The following RBFOX1 variants were observed in gnomAD, a reference collection of about 807,000 sequenced individuals.
RBFOX1 encodes RNA binding fox-1 homolog 1.
RBFOX1 carries 8 observed loss-of-function variants against 57.7 expected under a neutral mutation model. The ratio of observed to expected loss-of-function variants is 0.14; its 90% CI spans 0.08 to 0.25. RBFOX1 has a LOEUF of 0.25. Among genes scored for constraint, RBFOX1 ranks in the 10% least tolerant of loss-of-function variants. The probability of loss-of-function intolerance (pLI) is 1.00; values close to 1 mark genes in which losing one functional copy is unlikely to be tolerated. For missense variants in RBFOX1, 611 were observed against 548.5 expected, an observed-to-expected ratio of 1.11 and a Z score of -1.14; for synonymous variants, 326 against 222.4, an observed-to-expected ratio of 1.47 and a Z score of -4.15.
intron 2 of RBFOX1, among the ~76,000 whole-genome samples, chr16:6,520,046 G>A (rs757606324): frequency 5.3e-5 from 8 of 152,114 alleles, no homozygotes; most frequent in Non-Finnish European, 1.2e-4. Context: ...TGTTTCCACC[G>A]TGCAGGTGCT....
At chr16:6,239,690 G>A (rs1052140374) in intron 1 of RBFOX1, among the ~76,000 whole-genome samples, 1 of 151,608 alleles carries the variant, frequency 6.6e-6, no homozygotes, top group Non-Finnish European at 1.5e-5. Context: ...TAGAGACGGG[G>A]GTTTCACCAT....
chr16:5,972,402 C>G (rs1404460654), intron 4 of RBFOX1, among the ~76,000 whole-genome samples: 1 of 152,200 alleles, frequency 6.6e-6, no homozygotes. Flanking sequence ...GATGGCAGGT[C>G]CCTCTGTTTT....
At chr16:7,195,687 G>A (rs1422774999) in intron 4 of RBFOX1, among the ~76,000 whole-genome samples, 3 of 152,108 alleles carry the variant, frequency 2.0e-5, no homozygotes, top group Admixed American at 2.0e-4. Context: ...CGAGTAGCTG[G>A]AACTACAGGC....
intron 3 of RBFOX1, among the ~76,000 whole-genome samples, chr16:6,752,408 C>G (rs1320368480): frequency 6.6e-6 from 1 of 152,044 alleles, no homozygotes; most frequent in Non-Finnish European, 1.5e-5. Context: ...AGAAATTGGC[C>G]ACAAGGAAGT....
At chr16:7,472,739 C>T (rs190509920) in intron 4 of RBFOX1, among the ~76,000 whole-genome samples, 14 of 152,226 alleles carry the variant, frequency 9.2e-5, no homozygotes, top group Admixed American at 7.8e-4. Context: ...ACCAAGTTCC[C>T]AGACTGTGGC....
intron 4 of RBFOX1, among the ~76,000 whole-genome samples, chr16:7,060,748 C>T (rs1260807089): frequency 6.6e-6 from 1 of 152,186 alleles, no homozygotes; most frequent in African/African-American, 2.4e-5. Flanking sequence ...TGGTGCTTGT[C>T]CTATGCAAAT....
At chr16:6,049,119 A>G (rs1390244345) in intron 1 of RBFOX1, among the ~76,000 whole-genome samples, 1 of 146,702 alleles carries the variant, frequency 6.8e-6, no homozygotes, top group Non-Finnish European at 1.5e-5. Context: ...CTGGAGTGCA[A>G]TGGCATGATC....
intron 3 of RBFOX1, among the ~76,000 whole-genome samples, chr16:7,017,158 A>G (rs193046602): frequency 6.6e-6 from 1 of 152,230 alleles, no homozygotes; most frequent in Non-Finnish European, 1.5e-5. Context: ...TAAGGTGCAA[A>G]CAGAGTCGCG....
chr16:7,566,006 G>A (rs1048526214), intron 5 of RBFOX1, among the ~76,000 whole-genome samples: 6 of 152,142 alleles, frequency 3.9e-5, no homozygotes, highest in African/African-American at 9.7e-5. Context: ...AAGACTTGCC[G>A]AGCGCCTACT....
intron 4 of RBFOX1, among the ~76,000 whole-genome samples, chr16:7,476,059 G>A (rs1038015384): frequency 6.6e-6 from 1 of 151,642 alleles, no homozygotes; most frequent in Admixed American, 6.6e-5. Flanking sequence ...TCAGCCTCCT[G>A]AGCCCAAGTG....
chr16:7,702,406 G>C (rs1377400555), intron 14 of RBFOX1, among the ~76,000 whole-genome samples: 4 of 152,226 alleles, frequency 2.6e-5, no homozygotes, highest in Non-Finnish European at 2.9e-5. Flanking sequence ...ATTGCCAAGA[G>C]ATTTGTCAGA....
intron 1 of RBFOX1, among the ~76,000 whole-genome samples, chr16:5,463,798 G>GAA (rs796297997): frequency 4.4e-5 from 5 of 113,874 alleles, no homozygotes; most frequent in African/African-American, 9.6e-5. Flanking sequence ...AGACTGTCTC[G>GAA]AAAAAAAAAA....
chr16:5,472,365 T>A (rs1423402145), intron 2 of RBFOX1, among the ~76,000 whole-genome samples: 1 of 151,974 alleles, frequency 6.6e-6, no homozygotes, highest in African/African-American at 2.4e-5. Context: ...CCAACCCCCA[T>A]TGCAAGAAAG....
chr16:6,099,088 C>G (rs934640016), intron 1 of RBFOX1, among the ~76,000 whole-genome samples: 22 of 152,158 alleles, frequency 1.4e-4, no homozygotes, highest in African/African-American at 4.1e-4. Context: ...TTGTATGAGT[C>G]CAGGGGGCGA....
In RBFOX1 at chr16:5,437,841, T is replaced by C. The variant is rs948879340; in HGVS notation, c.220-29375T>C. On this transcript the variant is annotated intron_variant, in intron 1 of 2. Transcript: ENST00000585867. The stretch of plus-strand genomic sequence containing the variant: ...ATGGTCTTCTTTCATATTAAAAATA[T>C]GAAAAGAACCATTGAAATATATATT... Among the ~76,000 whole-genome samples the C allele has an allele frequency of 4.6e-5, 7 of 152,314 alleles. No individual in the cohort carries two copies. In the East Asian group the frequency reaches 9.6e-4, roughly 21 times the overall value.
intron 4 of RBFOX1, among the ~76,000 whole-genome samples, chr16:7,129,178 C>G (rs1052432632): frequency 2.0e-5 from 3 of 152,172 alleles, no homozygotes; most frequent in Admixed American, 1.3e-4. Context: ...CCAGGAAAGT[C>G]TGGCTCCAGA....
intron 14 of RBFOX1, among the ~76,000 whole-genome samples, chr16:7,691,126 AAT>A (rs1440733753): frequency 6.6e-6 from 1 of 152,120 alleles, no homozygotes; most frequent in East Asian, 1.9e-4. Flanking sequence ...TAAAAAATAA[AAT>A]AGTACAGAAT....
chr16:7,496,884 GA>G (rs1346943960), intron 4 of RBFOX1, among the ~76,000 whole-genome samples: 2 of 152,112 alleles, frequency 1.3e-5, no homozygotes, highest in African/African-American at 4.8e-5. Flanking sequence ...AGAATGGACT[GA>G]AAAAATTAGG....
At chr16:7,071,719 T>A (rs1008508915) in intron 4 of RBFOX1, among the ~76,000 whole-genome samples, 4 of 152,038 alleles carry the variant, frequency 2.6e-5, no homozygotes, top group African/African-American at 9.7e-5. Flanking sequence ...TAGGTCCCTA[T>A]ACACAAAAAG....
Sources: gnomAD v4.1 joint callset for allele counts (sites outside exome capture counted in the v4.1 genomes callset) on GRCh38, gnomAD v4.1.1 for gene constraint, MANE v1.5 for transcripts, NCBI Gene and HGNC (gene_info 2026-07-23, HGNC 2026-07-21) for gene names.